BCORL1: variants seen among roughly 807,000 people sequenced by gnomAD.
BCORL1 encodes the protein BCL-6 corepressor-like protein 1.
Under a neutral mutation model 87.6 loss-of-function variants are expected in BCORL1, and 7 were observed. The ratio of observed to expected loss-of-function variants is 0.08; its 90% CI spans 0.05 to 0.15. The LOEUF (loss-of-function observed/expected upper bound fraction) is 0.15, where lower values mean the gene tolerates loss of function less well. BCORL1 is among the 10% of genes least tolerant of loss of function. The pLI is 1.00. For missense variants in BCORL1, 1,215 were observed against 1,499.7 expected, an observed-to-expected ratio of 0.81 and a Z score of 3.13; for synonymous variants, 591 against 634.4, an observed-to-expected ratio of 0.93 and a Z score of 1.03.
At chrX:130,011,139 G>A (rs1928924209) in intron 2 of BCORL1, among the ~76,000 whole-genome samples, 1 of 108,654 alleles carries the variant, frequency 9.2e-6, no homozygotes, top group South Asian at 4.1e-4. Flanking sequence ...GAAACGCACT[G>A]CAGCGTCTAT....
chrX:129,995,254 C>G (rs755300626), intron 1 of BCORL1, among the ~76,000 whole-genome samples: 144 of 110,560 alleles, frequency 1.3e-3, no homozygotes, highest in African/African-American at 4.2e-3. Context: ...TATCCACCTA[C>G]CTTGGCCTCC....
At position 130,050,778 on chromosome X, in the gene BCORL1, C is replaced by T. The variant is rs1896734318; in HGVS notation, c.4902C>T (p.Tyr1634=). The part of the protein sequence containing the change: ...EGDPGVSWDF[Y]SSSVLEEKDG... The stretch of plus-strand genomic sequence containing the variant: ...ATCCCGGTGTATCCTGGGATTTTTA[C>T]AGCAGTTCTGTGTTGGGTAAGTTTT... Residue 1634 remains tyrosine, a synonymous_variant, in exon 12 of 14, where the codon TAC becomes TAT. Transcript: ENST00000540052. The T allele has an allele frequency of 4.1e-6, 5 of 1,209,827 alleles. No homozygotes were observed. The Admixed American group carries it at 6.5e-5, about 16-fold the overall frequency.
chrX:130,029,736 C>T (rs989441341), intron 8 of BCORL1, among the ~76,000 whole-genome samples: 3 of 108,462 alleles, frequency 2.8e-5, no homozygotes, highest in Non-Finnish European at 3.8e-5. Context: ...CTGTAACCTC[C>T]GCCTCCTGGG....
rs749876796 is a variant in BCORL1, at chrX:129,999,536, G to A, written c.-44-5652G>A. ...TTGCCCAGGCTGATCTTGAACTCCT[G>A]AGCTCAAGTGATCCACCTGCCTTGG... is the stretch of plus-strand genomic sequence containing the variant. On this transcript the variant is annotated intron_variant, in intron 1 of 13. Transcript: ENST00000540052. 2.0e-4 allele frequency among the ~76,000 whole-genome samples: 22 copies of A among 109,480 alleles called. No homozygotes were observed. The South Asian group carries it at 5.9e-3, about 29-fold the overall frequency.
chrX:130,003,118 C>T (rs1928188246), intron 1 of BCORL1, among the ~76,000 whole-genome samples: 1 of 111,672 alleles, frequency 9.0e-6, no homozygotes, highest in Non-Finnish European at 1.9e-5. Context: ...CTGGCTCTCC[C>T]TTGATCTTTG....
intron 13 of BCORL1, among the ~76,000 whole-genome samples, chrX:130,054,004 G>C (rs1346887589): frequency 8.9e-6 from 1 of 111,979 alleles, no homozygotes; most frequent in Non-Finnish European, 1.9e-5. Flanking sequence ...TCGTGGGTCT[G>C]GTTAGATGTT....
intron 1 of BCORL1, among the ~76,000 whole-genome samples, chrX:129,986,683 G>A (rs1926650046): frequency 9.0e-6 from 1 of 111,179 alleles, no homozygotes; most frequent in South Asian, 3.8e-4. Flanking sequence ...GCCAGGTGTG[G>A]TGGGGCGTGC....
At chrX:130,044,271 A>G (rs886065426) in intron 11 of BCORL1, among the ~76,000 whole-genome samples, 3 of 111,075 alleles carry the variant, frequency 2.7e-5, no homozygotes, top group African/African-American at 9.8e-5. Flanking sequence ...TTTGTCCCCA[A>G]GCATTTGCTT....
At chrX:130,032,227 T>TG (rs1930655110) in intron 8 of BCORL1, among the ~76,000 whole-genome samples, 1 of 111,670 alleles carries the variant, frequency 9.0e-6, no homozygotes, top group Non-Finnish European at 1.9e-5. Context: ...GGGTCTCTCG[T>TG]GAGGTTGCAG....
intron 11 of BCORL1, among the ~76,000 whole-genome samples, chrX:130,043,416 C>T (rs997088772): frequency 1.0e-4 from 11 of 109,976 alleles, no homozygotes; most frequent in Middle Eastern, 4.7e-3. Context: ...ATTTTTCATG[C>T]CTGTGTGCCT....
intron 1 of BCORL1, among the ~76,000 whole-genome samples, chrX:130,001,093 C>CTT (rs992346428): frequency 3.6e-5 from 4 of 109,819 alleles, no homozygotes; most frequent in Non-Finnish European, 7.6e-5. Context: ...TTTTCTTTTT[C>CTT]TTTTTTTTGT....
At chrX:130,007,882 AG>A (rs1339212165) in intron 2 of BCORL1, among the ~76,000 whole-genome samples, 5 of 112,548 alleles carry the variant, frequency 4.4e-5, no homozygotes, top group African/African-American at 1.6e-4. Context: ...ATCCCTGCCA[AG>A]AAAGGAGCAG....
intron 1 of BCORL1, among the ~76,000 whole-genome samples, chrX:129,983,199 C>T (rs1395049476): frequency 9.1e-6 from 1 of 109,417 alleles, no homozygotes; most frequent in Non-Finnish European, 1.9e-5. Context: ...CCAGGTGAGA[C>T]TCGTTCGCCA....
At chrX:130,055,466 G>A (rs554224218) in intron 13 of BCORL1, among the ~76,000 whole-genome samples, 7 of 112,658 alleles carry the variant, frequency 6.2e-5, no homozygotes, top group South Asian at 7.2e-4. Flanking sequence ...GGCGGGAGTC[G>A]GAGGAAAGAC....
At chrX:130,040,109 G>A (rs375682342) in intron 11 of BCORL1, among the ~76,000 whole-genome samples, 7 of 112,207 alleles carry the variant, frequency 6.2e-5, no homozygotes, top group African/African-American at 1.6e-4. Flanking sequence ...CTGCCTGAGC[G>A]GCGGAGCAGC....
intron 2 of BCORL1, among the ~76,000 whole-genome samples, chrX:130,012,336 A>G (rs753816169): frequency 9.0e-6 from 1 of 111,432 alleles, no homozygotes; most frequent in South Asian, 3.8e-4. Context: ...CAGGGTAAAC[A>G]GTCCAAAGAG....
At chrX:130,005,147 C>G (rs1928384643) in intron 1 of BCORL1, 41 bp from the exon 2 acceptor site, 3 of 791,832 alleles carry the variant, frequency 3.8e-6, no homozygotes, top group Non-Finnish European at 5.6e-6. Flanking sequence ...AAGCAGCTGT[C>G]CCTGTTACGA....
At position 130,015,565 on chromosome X, in the gene BCORL1, G is replaced by T; in HGVS notation, c.2793G>T (p.Gly931=). 8.2e-7 allele frequency: 1 copy of T among 1,212,271 alleles called. No individual in the cohort carries two copies. Among genetic ancestry groups the T allele is most frequent in the South Asian group, 1.8e-5 (1 of 57,037 alleles). ...PVLLTLSPQT[G]TLALSVQPSG... is the part of the protein sequence containing the mutation. Reference sequence around the variant, plus strand: ...TCTTGACCCTCAGCCCTCAGACTGGGACCCTGGCACTGTCTGTTCAGCCTA... The same window carrying T: ...TCTTGACCCTCAGCCCTCAGACTGGTACCCTGGCACTGTCTGTTCAGCCTA... The change falls in exon 4 of 14, where the codon GGG becomes GGT. Residue 931 remains glycine (G), a synonymous_variant. Coordinates refer to ENST00000540052, the MANE Select transcript of BCORL1 (RefSeq NM_001379451.1).
In BCORL1 at chrX:130,013,907, A is replaced by G; in HGVS notation, c.1135A>G (p.Thr379Ala). The G allele has an allele frequency of 8.7e-7, 1 of 1,155,434 alleles. No individual in the cohort carries two copies. The highest frequency in any genetic ancestry group is 1.9e-5 in the African/African-American group (1 of 51,391). ...CACCCTCATCCCCGCCTTTGCTCCTACACCGGTGCCTGCACCCACCCCAGC... is the reference window on the plus strand; with the variant it reads ...CACCCTCATCCCCGCCTTTGCTCCTGCACCGGTGCCTGCACCCACCCCAGC... ...TPTLIPAFAP[T>A]PVPAPTPAPI... The change falls in exon 4 of 14, where the codon ACA becomes GCA. Residue 379 changes from threonine to alanine, a missense_variant. This residue lies in a region of BCORL1 where 861 missense variants were observed against 1,010.0 expected (regional missense o/e 0.85). Coordinates refer to ENST00000540052, the MANE Select transcript of BCORL1 (RefSeq NM_001379451.1).
Sources: allele counts gnomAD v4.1 joint callset (sites outside exome capture counted in the v4.1 genomes callset), GRCh38; gene constraint gnomAD v4.1.1; regional missense constraint gnomAD v4.1.1; transcripts MANE v1.5; gene names NCBI Gene and HGNC (gene_info 2026-07-23, HGNC 2026-07-21).